The following PHYKPL variants were observed in gnomAD, a reference collection of about 807,000 sequenced individuals.
PHYKPL encodes the protein 5-phosphohydroxy-L-lysine phospho-lyase.
PHYKPL carries 42 observed loss-of-function variants against 51.3 expected under a neutral mutation model. The ratio of observed to expected loss-of-function variants is 0.82; its 90% CI spans 0.64 to 1.06. The LOEUF is 1.06. PHYKPL is among the 50% of genes least tolerant of loss of function. PHYKPL has a pLI of 0.00. For synonymous variants in PHYKPL, 264 were observed against 236.0 expected, an observed-to-expected ratio of 1.12 and a Z score of -1.09; for missense variants, 655 against 586.6, an observed-to-expected ratio of 1.12 and a Z score of -1.20.
In PHYKPL at chr5:178,222,509, T is replaced by G. The variant is rs539750873; in HGVS notation, c.773A>C (p.His258Pro). The change falls in exon 8 of 13, where the codon CAC (histidine) becomes CCC (proline). Residue 258 changes from histidine to proline, a missense_variant. Transcript: ENST00000308158. ...IQVGFGRVGK[H>P]FWAFQLQGKD... Reference sequence around the variant, plus strand: ...TCCCTGGAGCTGGAAGGCCCAGAAGTGCTTGCCTACCCGGCCAAAGCCAAC... The same window carrying G: ...TCCCTGGAGCTGGAAGGCCCAGAAGGGCTTGCCTACCCGGCCAAAGCCAAC... 3 of 1,614,232 alleles carry G rather than the reference T, an allele frequency of 1.9e-6. No homozygotes were observed. The Admixed American group carries it at 5.0e-5, about 27-fold the overall frequency.
chr5:178,209,310 A>G (rs1395930938), intron 12 of PHYKPL: 1 of 1,605,322 alleles, frequency 6.2e-7, no homozygotes, highest in South Asian at 1.1e-5. Context: ...TGGCCTGACC[A>G]CTGTCCTCTT....
In PHYKPL at chr5:178,222,511, C is replaced by T. The variant is rs1761372134; in HGVS notation, c.771G>A (p.Lys257=). 1 of 1,614,260 alleles carries T rather than the reference C, an allele frequency of 6.2e-7. No homozygotes were observed. The highest frequency in any genetic ancestry group is 1.7e-5 in the Admixed American group (1 of 60,030). Residue 257 remains lysine, a synonymous_variant, in exon 8 of 13, where the codon AAG becomes AAA. Transcript: ENST00000308158. ...CCTGGAGCTGGAAGGCCCAGAAGTG[C>T]TTGCCTACCCGGCCAAAGCCAACCT... The part of the protein sequence containing the change: ...EIQVGFGRVG[K]HFWAFQLQGK...
intron 10 of PHYKPL, among the ~76,000 whole-genome samples, chr5:178,213,886 G>A (rs1759187065): frequency 6.6e-6 from 1 of 152,204 alleles, no homozygotes; most frequent in Non-Finnish European, 1.5e-5. Context: ...CACCTAGCAG[G>A]GTAACTGCAG....
At chr5:178,226,754 C>T (rs1762361746) in intron 3 of PHYKPL, 1 of 152,050 alleles carries the variant, frequency 6.6e-6, no homozygotes. Context: ...AGAGTCCTGT[C>T]TTGGGCAGGT....
chr5:178,218,146 G>C (rs1405760926), intron 8 of PHYKPL, among the ~76,000 whole-genome samples: 2 of 126,250 alleles, frequency 1.6e-5, no homozygotes, highest in African/African-American at 6.5e-5. Context: ...GAACCCGGGA[G>C]GCGGAGCTTG....
At chr5:178,218,693 T>C (rs776478133) in intron 8 of PHYKPL, among the ~76,000 whole-genome samples, 6 of 152,208 alleles carry the variant, frequency 3.9e-5, no homozygotes, top group Non-Finnish European at 8.8e-5. Flanking sequence ...GTTATAGTTA[T>C]AGCATCTTGA....
chr5:178,232,798 C>CGTCTCT lies in PHYKPL; in HGVS notation c.-249_-248insAGAGAC, dbSNP rs1763795591. The CGTCTCT allele has an allele frequency of 2.9e-6, 1 of 343,174 alleles. No homozygotes were observed. The highest frequency in any genetic ancestry group is 1.5e-4 in the South Asian group (1 of 6,804). 21.3% of individuals were successfully genotyped at this position (343,174 alleles called of 1,614,324 possible). A position where few individuals can be genotyped will look rare whatever the true frequency, so the allele number is the denominator to read the frequency against. ...CCGCGCAGGAACTCGAGCGCTGCCC[C>CGTCTCT]GTCTCTGGTTCCGGGACGCGCCCCG... On this transcript the variant is annotated 5_prime_UTR_variant, in exon 1 of 13. Transcript: ENST00000308158.
intron 12 of PHYKPL, chr5:178,210,459 C>A: frequency 1.3e-6 from 2 of 1,494,006 alleles, no homozygotes; most frequent in Non-Finnish European, 1.9e-6. Flanking sequence ...TCTGCTGTCA[C>A]GGCTGGTGAG....
chr5:178,232,738 G>T lies in PHYKPL; in HGVS notation c.-188C>A. 1 of 570,310 alleles carries T rather than the reference G, an allele frequency of 1.8e-6. No individual in the cohort carries two copies. The highest frequency in any genetic ancestry group is 2.5e-6 in the Non-Finnish European group (1 of 392,368). 35.3% of individuals were successfully genotyped at this position (570,310 alleles called of 1,614,324 possible). On this transcript the variant is annotated 5_prime_UTR_variant, in exon 1 of 13. Coordinates refer to ENST00000308158, the MANE Select transcript of PHYKPL (RefSeq NM_153373.4). ...TTTCTTCGCTTGCCCACTGGGCCTG[G>T]CAGCCTTCCGGCCCGTGGTCGTGCC...
At chr5:178,209,502 C>A (rs968547689) in intron 12 of PHYKPL, 1 of 1,477,124 alleles carries the variant, frequency 6.8e-7, no homozygotes, top group African/African-American at 1.4e-5. Flanking sequence ...ATGGAGCCTT[C>A]CAAGCCTGTC....
intron 12 of PHYKPL, 169 bp downstream of exon 12, chr5:178,211,721 A>G: frequency 3.3e-6 from 2 of 599,624 alleles, no homozygotes; most frequent in South Asian, 4.1e-5. Context: ...ATCAAGTGCA[A>G]GCTAAGCATT....
chr5:178,227,956 A>C (rs934538720), intron 3 of PHYKPL, among the ~76,000 whole-genome samples: 3 of 152,162 alleles, frequency 2.0e-5, no homozygotes, highest in Non-Finnish European at 4.4e-5. Context: ...GATGCCCTTT[A>C]CAAGGCAAGA....
chr5:178,224,203 G>C, intron 6 of PHYKPL: 1 of 477,076 alleles, frequency 2.1e-6, no homozygotes, highest in Non-Finnish European at 3.7e-6. Flanking sequence ...GTGTCAGAGA[G>C]CACCCCCTCC....
Position 178,224,746 on chromosome 5 carries a change from AG to A in PHYKPL, c.414-18del. The A allele has an allele frequency of 6.2e-7, 1 of 1,603,872 alleles. No individual in the cohort carries two copies. The highest frequency in any genetic ancestry group is 8.5e-7 in the Non-Finnish European group (1 of 1,171,874). ...TGATACGCACTGGGGAGGAGAAGGGAGGGTAGGCTCGGGTCCGGGCAGCACC... is the reference window on the plus strand; with the variant it reads ...TGATACGCACTGGGGAGGAGAAGGGAGGTAGGCTCGGGTCCGGGCAGCACC... On this transcript the variant is annotated intron_variant, in intron 4 of 12. Coordinates refer to ENST00000308158, the MANE Select transcript of PHYKPL (RefSeq NM_153373.4).
intron 4 of PHYKPL, among the ~76,000 whole-genome samples, 166 bp downstream of exon 4, chr5:178,225,189 G>A (rs528759283): frequency 1.7e-3 from 253 of 152,312 alleles, no homozygotes; most frequent in African/African-American, 5.9e-3. Context: ...CAGGGTGACA[G>A]AGCCTCTGGG....
chr5:178,230,029 C>T lies in PHYKPL; in HGVS notation c.249G>A (p.Arg83=), dbSNP rs371705964. Residue 83 remains arginine (R), a synonymous_variant, in exon 3 of 13, where the codon CGG becomes CGA. Transcript: ENST00000308158. Reference sequence around the variant, plus strand: ...AGTCCACGATGTTGTCATGCAGGTACCGGCTGTTGGTGTTGAGCACCTGGT... The same window carrying T: ...AGTCCACGATGTTGTCATGCAGGTATCGGCTGTTGGTGTTGAGCACCTGGT... ...EQNQVLNTNS[R]YLHDNIVDYA... 5 of 1,614,204 alleles carry T rather than the reference C, an allele frequency of 3.1e-6. No individual in the cohort carries two copies. Among genetic ancestry groups the T allele is most frequent in the Non-Finnish European group, 3.4e-6 (4 of 1,180,042 alleles).
In PHYKPL at chr5:178,211,959, T is replaced by G; in HGVS notation, c.1315A>C (p.Lys439Gln). 6.2e-7 allele frequency: 1 copy of G among 1,614,106 alleles called. No homozygotes were observed. Among genetic ancestry groups the G allele is most frequent in the Admixed American group, 1.7e-5 (1 of 60,024 alleles). ...LDAILTDMEEKVRSCETLRLQ... is the reference protein window; with the variant it reads ...LDAILTDMEEQVRSCETLRLQ... ...CTCAGCGTTTCACAACTTCTCACCT[T>G]CTCTTCCATGTCTGAAAAAGACCAC... The change falls in exon 12 of 13, where the codon AAG becomes CAG. Residue 439 changes from lysine (K) to glutamine (Q), a missense_variant. Lys to Gln is a moderately conservative substitution (Grantham distance 53, BLOSUM62 1). Coordinates refer to ENST00000308158, the MANE Select transcript of PHYKPL (RefSeq NM_153373.4).
At chr5:178,227,037 A>AG (rs891904775) in intron 3 of PHYKPL, among the ~76,000 whole-genome samples, 3 of 152,140 alleles carry the variant, frequency 2.0e-5, no homozygotes, top group African/African-American at 7.2e-5. Flanking sequence ...AGCGAGCCAG[A>AG]GGGGGCATGT....
Position 178,231,423 on chromosome 5 carries a change from T to C in PHYKPL, c.160A>G (p.Ile54Val). The C allele has an allele frequency of 6.2e-7, 1 of 1,614,230 alleles. No individual in the cohort carries two copies. The highest frequency in any genetic ancestry group is 8.5e-7 in the Non-Finnish European group (1 of 1,180,032). ...TACTGACCGTGCGCCACATTGCTGATGCAATCGATGTATTCTGCCCCCTGT... is the reference window on the plus strand; with the variant it reads ...TACTGACCGTGCGCCACATTGCTGACGCAATCGATGTATTCTGCCCCCTGT... Reference protein sequence around the residue: ...DEQGAEYIDCISNVAHVGHCH... With the variant: ...DEQGAEYIDCVSNVAHVGHCH... Residue 54 changes from isoleucine (I) to valine (V), a missense_variant, in exon 2 of 13, where the codon ATC (isoleucine) becomes GTC (valine). Ile to Val is a conservative substitution (Grantham distance 29, BLOSUM62 3). Coordinates refer to ENST00000308158, the MANE Select transcript of PHYKPL (RefSeq NM_153373.4).
Sources: allele counts gnomAD v4.1 joint callset (sites outside exome capture counted in the v4.1 genomes callset), GRCh38; gene constraint gnomAD v4.1.1; transcripts MANE v1.5; gene names NCBI Gene and HGNC (gene_info 2026-07-23, HGNC 2026-07-21).